Variants in DOP1A observed in about 807,000 individuals in gnomAD.
DOP1A encodes the protein DOP1 leucine zipper like protein A.
A neutral mutation model predicts 267.6 loss-of-function variants in DOP1A; 90 were observed. The ratio of observed to expected loss-of-function variants is 0.34; its 90% CI spans 0.28 to 0.40. The LOEUF (loss-of-function observed/expected upper bound fraction) is 0.40. Among genes scored for constraint, DOP1A ranks in the 10% least tolerant of loss-of-function variants. DOP1A has a pLI of 1.00. For synonymous variants in DOP1A, 932 were observed against 999.1 expected, an observed-to-expected ratio of 0.93 and a Z score of 1.27; for missense variants, 2,437 against 2,900.4, an observed-to-expected ratio of 0.84 and a Z score of 3.67.
At chr6:83,113,482 T>C (rs1331919489) in intron 7 of DOP1A, 61 bp downstream of exon 7, 22 of 1,362,272 alleles carry the variant, frequency 1.6e-5, no homozygotes, top group Non-Finnish European at 2.3e-5. Flanking sequence ...ATTGATAATG[T>C]GTAGTTATTT....
At chr6:83,132,887 A>G (rs988743516) in intron 18 of DOP1A, among the ~76,000 whole-genome samples, 118 of 152,270 alleles carry the variant, frequency 7.7e-4, no homozygotes, top group Middle Eastern at 3.4e-3. Context: ...AATCATTTTT[A>G]CTAACCTCAT....
chr6:83,104,741 A>G (rs1773270693), intron 4 of DOP1A, among the ~76,000 whole-genome samples: 2 of 152,120 alleles, frequency 1.3e-5, no homozygotes, highest in African/African-American at 4.8e-5. Context: ...TAGATGCATC[A>G]GCCTAAAGTT....
At chr6:83,107,887 A>G (rs1773908081) in intron 4 of DOP1A, among the ~76,000 whole-genome samples, 1 of 152,242 alleles carries the variant, frequency 6.6e-6, no homozygotes, top group Non-Finnish European at 1.5e-5. Context: ...CAGAGGGTAC[A>G]GGAGTAAAAT....
chr6:83,158,291 A>T (rs139387528), intron 35 of DOP1A, among the ~76,000 whole-genome samples: 2 of 152,040 alleles, frequency 1.3e-5, no homozygotes, highest in Non-Finnish European at 2.9e-5. Flanking sequence ...GTGAGCCACC[A>T]CACCAGACCT....
At chr6:83,114,477 C>G (rs949089009) in intron 7 of DOP1A, among the ~76,000 whole-genome samples, 1 of 152,062 alleles carries the variant, frequency 6.6e-6, no homozygotes, top group African/African-American at 2.4e-5. Context: ...ACTTAGAAAA[C>G]AAAGAAGAAT....
rs200516669 is a variant in DOP1A at position 83,155,892 on chromosome 6, C to T, written c.6452-59C>T. 1.1e-4 allele frequency: 177 copies of T among 1,559,236 alleles called. 5 individuals carry two copies. The South Asian group carries it at 2.1e-3, about 18-fold the overall frequency. Reference sequence around the variant, plus strand: ...TAGAGCATCTAGCTATTTTAAAAAACAACAGAATAATCTTTCTTCAGATGA... The same window carrying T: ...TAGAGCATCTAGCTATTTTAAAAAATAACAGAATAATCTTTCTTCAGATGA... On this transcript the variant is annotated intron_variant, in intron 33 of 38. Coordinates refer to ENST00000349129, the MANE Select transcript of DOP1A (RefSeq NM_015018.4).
Position 83,125,509 on chromosome 6 carries a change from A to G in DOP1A, c.1495A>G (p.Ile499Val), listed in dbSNP as rs1398370163. 6.2e-7 allele frequency: 1 copy of G among 1,613,020 alleles called. No individual in the cohort carries two copies. The highest frequency in any genetic ancestry group is 1.3e-5 in the African/African-American group (1 of 74,988). Residue 499 changes from isoleucine to valine, a missense_variant, in exon 15 of 39, where the codon ATT becomes GTT. Around this residue, in one of 9 missense-constraint regions of DOP1A, gnomAD observed 498 missense variants for 513.5 expected, o/e 0.97. Transcript: ENST00000349129. ...SMRVLCQETY[I>V]EIQTEHLPQL... ...TCACTTTTATTTTCAGGAGACTTACATTGAAATCCAGACAGAACACTTGCC... is the reference window on the plus strand; with the variant it reads ...TCACTTTTATTTTCAGGAGACTTACGTTGAAATCCAGACAGAACACTTGCC...
chr6:83,148,745 A>C lies in DOP1A; in HGVS notation c.5733-14A>C. The C allele has an allele frequency of 2.6e-6, 4 of 1,512,828 alleles. No individual in the cohort carries two copies. In the East Asian group the frequency reaches 9.9e-5, roughly 37 times the overall value. The allele number at this position is 1,512,828 out of a possible 1,614,324, so 93.7% of individuals were successfully genotyped here. A position where few individuals can be genotyped will look rare whatever the true frequency, so the allele number is the denominator to read the frequency against. ...GTTTATTGTGGCTTTTGTATAAACT[A>C]TATTATCTTGCAGAATTCCAGTGCC... On this transcript the variant is annotated splice_polypyrimidine_tract_variant and intron_variant, in intron 26 of 38. Transcript: ENST00000349129.
intron 3 of DOP1A, among the ~76,000 whole-genome samples, chr6:83,099,791 C>T (rs1317421455): frequency 1.3e-5 from 2 of 151,052 alleles, no homozygotes; most frequent in African/African-American, 4.9e-5. Flanking sequence ...CATATATATA[C>T]TCATACCGCC....
chr6:83,081,114 A>C (rs192248279), intron 1 of DOP1A, among the ~76,000 whole-genome samples: 2 of 152,002 alleles, frequency 1.3e-5, no homozygotes, highest in East Asian at 3.9e-4. Context: ...TTTACAAACA[A>C]CTGTTGGTTT....
intron 13 of DOP1A, 47 bp downstream of exon 13, chr6:83,124,866 GT>G (rs1776904447): frequency 6.9e-7 from 1 of 1,445,788 alleles, no homozygotes; most frequent in African/African-American, 1.4e-5. Flanking sequence ...GAATAACGTA[GT>G]TCAAATATTT....
rs1554251515 is a variant in DOP1A, at chr6:83,157,023, CTCTT to C, written c.6605-158_6605-155del. ...TGTGTATCTTTGTTTAATTGGAGTT[CTCTT>C]ATTCGTTGTTTTATGAAAATATCTA... On this transcript the variant is annotated intron_variant, in intron 34 of 38. Coordinates refer to ENST00000349129, the MANE Select transcript of DOP1A (RefSeq NM_015018.4). Among the ~76,000 whole-genome samples, 16 of 152,086 alleles carry C rather than the reference CTCTT, an allele frequency of 1.1e-4. No individual in the cohort carries two copies. In the South Asian group the frequency reaches 1.9e-3, roughly 18 times the overall value.
chr6:83,091,391 A>T (rs1770367550), intron 1 of DOP1A, among the ~76,000 whole-genome samples: 1 of 152,032 alleles, frequency 6.6e-6, no homozygotes, highest in Admixed American at 6.6e-5. Context: ...TTTGCTTTTA[A>T]TATTTTGTTT....
intron 32 of DOP1A, 45 bp downstream of exon 32, chr6:83,154,088 T>C (rs1486092906): frequency 1.2e-6 from 2 of 1,612,742 alleles, no homozygotes; most frequent in African/African-American, 2.7e-5. Context: ...CACCTCACAG[T>C]CTGATGAAAT....
chr6:83,166,631 T>C, intron 38 of DOP1A: 2 of 960,202 alleles, frequency 2.1e-6, no homozygotes, highest in South Asian at 3.0e-5. Flanking sequence ...TACTCCAATA[T>C]AAAACGGCAA....
chr6:83,124,994 TA>T (rs1358379727), intron 13 of DOP1A, among the ~76,000 whole-genome samples, 171 bp from the exon 14 acceptor site: 2 of 152,206 alleles, frequency 1.3e-5, no homozygotes, highest in Non-Finnish European at 2.9e-5. Context: ...CATATACATA[TA>T]AAAAATACAT....
downstream of DOP1A, chr6:83,169,019 G>C (rs1786487000): frequency 7.4e-7 from 1 of 1,350,340 alleles, no homozygotes; most frequent in Non-Finnish European, 9.5e-7. Context: ...ACATTAGTGA[G>C]ACTGAAATTA....
intron 1 of DOP1A, among the ~76,000 whole-genome samples, chr6:83,088,478 A>C (rs1270730205): frequency 1.5e-5 from 2 of 134,956 alleles, no homozygotes; most frequent in South Asian, 2.3e-4. Context: ...GCTGGAGTGC[A>C]GTGGCGCGAT....
intron 34 of DOP1A, 122 bp downstream of exon 34, chr6:83,156,225 A>C: frequency 2.6e-6 from 2 of 765,972 alleles, no homozygotes; most frequent in Non-Finnish European, 4.0e-6. Context: ...GGGAATTAGA[A>C]ATTTTTCTAC....
Sources: gnomAD v4.1 joint callset for allele counts (sites outside exome capture counted in the v4.1 genomes callset) on GRCh38, gnomAD v4.1.1 for gene constraint, gnomAD v4.1.1 regional missense constraint, MANE v1.5 for transcripts, NCBI Gene and HGNC (gene_info 2026-07-23, HGNC 2026-07-21) for gene names.